Variants in FAM174C observed in about 807,000 individuals in gnomAD.
FAM174C encodes the protein protein FAM174C.
In FAM174C, 19 loss-of-function variants were observed where a neutral mutation model predicts 12.3. The ratio of observed to expected loss-of-function variants is 1.55; its 90% CI spans 1.08 to 2.27. The LOEUF is 2.27. Ranked by LOEUF, FAM174C falls within the 30% of genes most tolerant of loss-of-function variation. The probability of loss-of-function intolerance (pLI) is 0.00; values close to 1 mark genes in which losing one functional copy is unlikely to be tolerated. For synonymous variants in FAM174C, 147 were observed against 103.5 expected (o/e 1.42, Z -2.55); for missense variants, 239 against 190.2 (o/e 1.26, Z -1.51).
intron 2 of FAM174C, among the ~76,000 whole-genome samples, chr19:1,278,344 G>C (rs909351203): frequency 1.9e-4 from 29 of 152,156 alleles, no homozygotes; most frequent in African/African-American, 7.0e-4. Context: ...GCAGCTGTCA[G>C]GGGTTAGCAG....
Position 1,275,564 on chromosome 19 carries a change from G to A in FAM174C, c.15G>A (p.Val5=), listed in dbSNP as rs559790669. The A allele has an allele frequency of 1.7e-3, 2,132 of 1,220,094 alleles. 30 individuals are homozygous for A. In the African/African-American group the frequency reaches 0.031, roughly 18 times the overall value. The allele number at this position is 1,220,094 out of a possible 1,614,324, so 75.6% of individuals were successfully genotyped here. Residue 5 remains valine, a synonymous_variant, in exon 1 of 3, where the codon GTG becomes GTA. Transcript: ENST00000409293. The part of the protein sequence containing the change: MGPR[V]LQPPLLLLLL... ...TCCGCCGGGCCATGGGGCCGCGCGT[G>A]CTGCAGCCGCCGCTGCTGCTGCTCC... is the stretch of plus-strand genomic sequence containing the variant.
chr19:1,278,302 C>T (rs767907818), intron 2 of FAM174C, among the ~76,000 whole-genome samples: 2 of 62,266 alleles, frequency 3.2e-5, no homozygotes, highest in South Asian at 5.2e-4. Flanking sequence ...GCGCAGATGC[C>T]GGGCGGGACT....
chr19:1,279,159 G>T lies in FAM174C; in HGVS notation c.*382G>T. ...CAGAGCCAAGGCTGGGTGGGCAGGT[G>T]ACCCAAGGAACCTTTCTGGGAACAC... On this transcript the variant is annotated 3_prime_UTR_variant, in exon 3 of 3. Coordinates refer to ENST00000409293, the MANE Select transcript of FAM174C (RefSeq NM_017914.4). 1 of 1,613,026 alleles carries T rather than the reference G, an allele frequency of 6.2e-7. No individual in the cohort carries two copies. Among genetic ancestry groups the T allele is most frequent in the South Asian group, 1.1e-5 (1 of 91,090 alleles).
At position 1,278,905 on chromosome 19, in the gene FAM174C, C is replaced by G; in HGVS notation, c.*128C>G. The G allele has an allele frequency of 6.2e-7, 1 of 1,613,240 alleles. No homozygotes were observed. The highest frequency in any genetic ancestry group is 1.7e-5 in the Admixed American group (1 of 60,028). On this transcript the variant is annotated 3_prime_UTR_variant, in exon 3 of 3. Transcript: ENST00000409293. ...TGCTGGCCCCGGGGCTGGTCTCACC[C>G]AGTGCCAACCCGAGAGCTCCTTTTG...
At chr19:1,275,949 T>G (rs1425465324) in intron 1 of FAM174C, 119 bp downstream of exon 1, 2 of 920,126 alleles carry the variant, frequency 2.2e-6, no homozygotes, top group East Asian at 2.9e-5. Flanking sequence ...CCTCTCTCCC[T>G]GTTGGAGTGG....
chr19:1,277,028 G>C, intron 1 of FAM174C, 155 bp from the exon 2 acceptor site: 1 of 1,179,034 alleles, frequency 8.5e-7, no homozygotes, highest in Non-Finnish European at 1.1e-6. Context: ...TAATCACTTG[G>C]CGATTAGGAC....
rs2081409924 is a variant in FAM174C, at chr19:1,275,756, G to C, written c.207G>C (p.Ala69=). ...GTCCGCCGGGGGCGTCGGGCTCGGCGCTGACGCGCTCCTTCTACGTGATCC... is the reference window on the plus strand; with the variant it reads ...GTCCGCCGGGGGCGTCGGGCTCGGCCCTGACGCGCTCCTTCTACGTGATCC... ...HTRPPGASGS[A]LTRSFYVILG... Residue 69 remains alanine (A), a synonymous_variant, in exon 1 of 3, where the codon GCG becomes GCC. Transcript: ENST00000409293. 7.8e-6 allele frequency: 12 copies of C among 1,538,434 alleles called. No homozygotes were observed. The highest frequency in any genetic ancestry group is 2.0e-5 in the Admixed American group (1 of 50,916).
intron 1 of FAM174C, 174 bp downstream of exon 1, chr19:1,276,004 C>A: frequency 1.6e-6 from 1 of 628,870 alleles, no homozygotes. Flanking sequence ...GTGGGCGGTG[C>A]AGGGGCCACG....
In FAM174C at chr19:1,278,809, C is replaced by A; in HGVS notation, c.*32C>A. 2 of 1,613,032 alleles carry A rather than the reference C, an allele frequency of 1.2e-6. No homozygotes were observed. Among genetic ancestry groups the A allele is most frequent in the African/African-American group, 2.7e-5 (2 of 75,046 alleles). On this transcript the variant is annotated 3_prime_UTR_variant, in exon 3 of 3. Coordinates refer to ENST00000409293, the MANE Select transcript of FAM174C (RefSeq NM_017914.4). ...GCCAGGGAGGCGGCCCTTCCAGCAG[C>A]CATGAGGGAAGGACAGGAGATGGGG... is the stretch of plus-strand genomic sequence containing the variant.
intron 2 of FAM174C, among the ~76,000 whole-genome samples, chr19:1,277,504 C>G (rs551354239): frequency 2.0e-5 from 3 of 152,068 alleles, no homozygotes; most frequent in Non-Finnish European, 4.4e-5. Flanking sequence ...AAATGTTTGT[C>G]ATTTATTTAT....
Position 1,275,784 on chromosome 19 carries a change from G to T in FAM174C, c.235G>T (p.Gly79Cys). 1 of 1,539,474 alleles carries T rather than the reference G, an allele frequency of 6.5e-7. No individual in the cohort carries two copies. The highest frequency in any genetic ancestry group is 8.7e-7 in the Non-Finnish European group (1 of 1,146,350). Residue 79 changes from glycine to cysteine, a missense_variant, in exon 1 of 3, where the codon GGC (glycine) becomes TGC (cysteine). Transcript: ENST00000409293. ...GACGCGCTCCTTCTACGTGATCCTG[G>T]GCTTCTGCGGCCTGACCGCGCTCTA... is the stretch of plus-strand genomic sequence containing the variant. ...ALTRSFYVIL[G>C]FCGLTALYFL...
intron 2 of FAM174C, 148 bp from the exon 3 acceptor site, chr19:1,278,629 G>T: frequency 6.8e-7 from 1 of 1,466,298 alleles, no homozygotes; most frequent in South Asian, 1.3e-5. Context: ...CCAGGAGGCC[G>T]GGGAGGGAGG....
intron 2 of FAM174C, 52 bp from the exon 3 acceptor site, chr19:1,278,725 G>A: frequency 6.2e-7 from 1 of 1,606,374 alleles, no homozygotes; most frequent in East Asian, 2.2e-5. Context: ...CCTCTGCCCG[G>A]CAGGGCGGGC....
At chr19:1,276,928 C>T (rs985396047) in intron 1 of FAM174C, 3 of 340,084 alleles carry the variant, frequency 8.8e-6, no homozygotes, top group Non-Finnish European at 1.6e-5. Context: ...GTGACATCAG[C>T]GTGCCTCTCC....
chr19:1,276,017 A>C, intron 1 of FAM174C, 187 bp downstream of exon 1: 2 of 572,430 alleles, frequency 3.5e-6, no homozygotes, highest in Admixed American at 3.7e-5. Context: ...GGGCCACGGG[A>C]CTCACCCGCT....
At chr19:1,278,615 GGGCCC>G (rs1163050439) in intron 2 of FAM174C, among the ~76,000 whole-genome samples, 157 bp from the exon 3 acceptor site, 1 of 10,672 alleles carries the variant, frequency 9.4e-5, no homozygotes, top group East Asian at 0.056. Context: ...CAGTTGCACA[GGGCCC>G]AGGAGGCCGG....
At chr19:1,278,265 G>C (rs140080361) in intron 2 of FAM174C, among the ~76,000 whole-genome samples, 3 of 151,946 alleles carry the variant, frequency 2.0e-5, no homozygotes, top group Non-Finnish European at 4.4e-5. Context: ...GTCTCAGGCC[G>C]AGGGAACAGC....
At chr19:1,277,125 A>G in intron 1 of FAM174C, 58 bp from the exon 2 acceptor site, 3 of 1,506,006 alleles carry the variant, frequency 2.0e-6, no homozygotes, top group Non-Finnish European at 1.8e-6. Flanking sequence ...GTCCTGAGGG[A>G]AGGAGGAGGC....
Position 1,275,540 on chromosome 19 carries a change from C to T in FAM174C, c.-10C>T. The T allele has an allele frequency of 8.3e-7, 1 of 1,205,634 alleles. No individual in the cohort carries two copies. The highest frequency in any genetic ancestry group is 3.5e-5 in the East Asian group (1 of 28,980). The allele number at this position is 1,205,634 out of a possible 1,614,324, so 74.7% of individuals were successfully genotyped here. ...TAGGGGCGGGGCGCCGCCACCGCTTCCGCCGGGCCATGGGGCCGCGCGTGC... is the reference window on the plus strand; with the variant it reads ...TAGGGGCGGGGCGCCGCCACCGCTTTCGCCGGGCCATGGGGCCGCGCGTGC... On this transcript the variant is annotated 5_prime_UTR_variant, in exon 1 of 3. Coordinates refer to ENST00000409293, the MANE Select transcript of FAM174C (RefSeq NM_017914.4).
Sources: gnomAD v4.1 joint callset for allele counts (sites outside exome capture counted in the v4.1 genomes callset) on GRCh38, gnomAD v4.1.1 for gene constraint, MANE v1.5 for transcripts, NCBI Gene and HGNC (gene_info 2026-07-23, HGNC 2026-07-21) for gene names.